Variants in CNTNAP5 observed in about 807,000 individuals in gnomAD.
CNTNAP5 encodes contactin associated protein family member 5, also known as contactin-associated protein-like 5.
In CNTNAP5, 72 loss-of-function variants were observed where a neutral mutation model predicts 150.2. The ratio of observed to expected loss-of-function variants is 0.48; its 90% CI spans 0.40 to 0.58. The LOEUF is 0.58. Among genes scored for constraint, CNTNAP5 ranks in the 20% least tolerant of loss-of-function variants. The probability of loss-of-function intolerance (pLI) is 0.00; values close to 1 mark genes in which losing one functional copy is unlikely to be tolerated. For missense variants in CNTNAP5, 1,636 were observed against 1,626.2 expected (o/e 1.01, Z -0.10); for synonymous variants, 672 against 619.8 (o/e 1.08, Z -1.25).
At chr2:124,220,761 G>A (rs1006647950) in intron 1 of CNTNAP5, among the ~76,000 whole-genome samples, 5 of 152,086 alleles carry the variant, frequency 3.3e-5, no homozygotes, top group African/African-American at 9.7e-5. Flanking sequence ...TATTAAAGCT[G>A]TAAACCTAAG....
At chr2:124,644,517 A>G (rs1678163622) in intron 12 of CNTNAP5, among the ~76,000 whole-genome samples, 1 of 152,256 alleles carries the variant, frequency 6.6e-6, no homozygotes, top group Non-Finnish European at 1.5e-5. Context: ...GAATAAGGAA[A>G]TCAATAAATG....
Position 124,917,793 on chromosome 2 carries a change from T to A in CNTNAP5, c.*3505T>A, listed in dbSNP as rs753345842. ...GTTTTTGCCCTTGGGGAGCTCAAAG[T>A]CTAGCTGGCAAGGCATGTATTGTTG... On this transcript the variant is annotated 3_prime_UTR_variant, in exon 24 of 24. Transcript: ENST00000682447. Among the ~76,000 whole-genome samples the A allele has an allele frequency of 3.3e-5, 5 of 152,066 alleles. No homozygotes were observed. In the East Asian group the frequency reaches 5.8e-4, roughly 18 times the overall value.
At chr2:124,049,167 A>G (rs955543086) in intron 1 of CNTNAP5, among the ~76,000 whole-genome samples, 4 of 152,112 alleles carry the variant, frequency 2.6e-5, no homozygotes, top group Non-Finnish European at 4.4e-5. Context: ...GATCTCCTTC[A>G]TTTGGTACCA....
intron 12 of CNTNAP5, 33 bp downstream of exon 12, chr2:124,609,953 C>T: frequency 6.3e-7 from 1 of 1,579,034 alleles, no homozygotes; most frequent in Non-Finnish European, 8.7e-7. Flanking sequence ...CACACTTAAC[C>T]ACCCCACTTC....
chr2:124,090,880 AC>A (rs1366669399), intron 1 of CNTNAP5, among the ~76,000 whole-genome samples: 1 of 152,244 alleles, frequency 6.6e-6, no homozygotes, highest in Non-Finnish European at 1.5e-5. Flanking sequence ...TAGGATTCAA[AC>A]AGAGTTGGAA....
chr2:124,665,751 T>C (rs556998459), intron 13 of CNTNAP5, among the ~76,000 whole-genome samples: 75 of 152,032 alleles, frequency 4.9e-4, no homozygotes, highest in African/African-American at 1.6e-3. Context: ...CCGGGCGTGG[T>C]GGCGGGCACC....
chr2:124,046,863 C>G (rs1422057536), intron 1 of CNTNAP5, among the ~76,000 whole-genome samples: 2 of 152,150 alleles, frequency 1.3e-5, no homozygotes, highest in African/African-American at 4.8e-5. Context: ...AAGGCTGAGG[C>G]TGGACTGGGA....
intron 13 of CNTNAP5, among the ~76,000 whole-genome samples, chr2:124,731,670 G>A (rs1376760381): frequency 1.3e-5 from 2 of 151,852 alleles, no homozygotes; most frequent in Non-Finnish European, 2.9e-5. Context: ...AGAGCAAAGG[G>A]CAATCTTGGG....
chr2:124,304,197 ATAAC>A (rs1688626627), intron 3 of CNTNAP5, among the ~76,000 whole-genome samples: 1 of 152,216 alleles, frequency 6.6e-6, no homozygotes. Flanking sequence ...AATTGAATAA[ATAAC>A]TAGGCAAATC....
chr2:124,419,163 A>ACAAAAAAAAAAC (rs70996065), intron 4 of CNTNAP5, among the ~76,000 whole-genome samples: 1 of 131,292 alleles, frequency 7.6e-6, no homozygotes, highest in African/African-American at 2.8e-5. Flanking sequence ...AAAAAAAAAA[A>ACAAAAAAAAAAC]CAGTATGAAG....
intron 3 of CNTNAP5, among the ~76,000 whole-genome samples, chr2:124,286,337 A>C (rs1157310252): frequency 6.6e-6 from 1 of 152,212 alleles, no homozygotes; most frequent in Non-Finnish European, 1.5e-5. Context: ...CCTTGGAAGC[A>C]GGCATAACTT....
At chr2:124,481,792 T>C (rs1693766502) in intron 7 of CNTNAP5, among the ~76,000 whole-genome samples, 1 of 152,224 alleles carries the variant, frequency 6.6e-6, no homozygotes, top group Admixed American at 6.5e-5. Context: ...AAATTTGAGT[T>C]GTTTGAATTT....
chr2:124,295,120 A>C lies in CNTNAP5; in HGVS notation c.381+52727A>C, dbSNP rs530891059. On this transcript the variant is annotated intron_variant, in intron 3 of 23. Coordinates refer to ENST00000682447, the MANE Select transcript of CNTNAP5 (RefSeq NM_001367498.1). The stretch of plus-strand genomic sequence containing the variant: ...GACTTCATCTCAAAAACAAAACAAC[A>C]ACCACCACCAAACAAACAAACAAAC... Among the ~76,000 whole-genome samples the C allele has an allele frequency of 5.3e-4, 55 of 102,836 alleles. 1 individual carries two copies. Among genetic ancestry groups the C allele is most frequent in the African/African-American group, 1.2e-3 (31 of 25,100 alleles). 67.5% of individuals were successfully genotyped at this position (102,836 alleles called of 152,430 possible).
chr2:124,178,550 GT>G (rs1252484255), intron 1 of CNTNAP5, among the ~76,000 whole-genome samples: 1 of 152,252 alleles, frequency 6.6e-6, no homozygotes, highest in Non-Finnish European at 1.5e-5. Context: ...TTTGTTTAAT[GT>G]TTTATTTAAT....
intron 1 of CNTNAP5, among the ~76,000 whole-genome samples, chr2:124,165,114 G>C (rs1401964852): frequency 6.6e-6 from 1 of 152,142 alleles, no homozygotes; most frequent in African/African-American, 2.4e-5. Flanking sequence ...TGCCTACCCT[G>C]CAGTGGTGTT....
At chr2:124,441,970 A>T (rs914633389) in intron 5 of CNTNAP5, among the ~76,000 whole-genome samples, 1 of 150,858 alleles carries the variant, frequency 6.6e-6, no homozygotes, top group Non-Finnish European at 1.5e-5. Flanking sequence ...TAAAAATTTC[A>T]TGAGCTACTT....
At chr2:124,783,964 G>T (rs923666711) in intron 17 of CNTNAP5, among the ~76,000 whole-genome samples, 6 of 152,110 alleles carry the variant, frequency 3.9e-5, no homozygotes, top group African/African-American at 1.4e-4. Context: ...CTGCCAATTG[G>T]AGAACCAGGA....
chr2:124,482,194 G>C (rs1308305341), intron 7 of CNTNAP5, among the ~76,000 whole-genome samples: 4 of 152,188 alleles, frequency 2.6e-5, no homozygotes, highest in Admixed American at 2.6e-4. Context: ...CTGTATTTCA[G>C]AGAGCTTATA....
At chr2:124,351,952 G>C (rs1573934510) in intron 3 of CNTNAP5, among the ~76,000 whole-genome samples, 1 of 152,102 alleles carries the variant, frequency 6.6e-6, no homozygotes, top group Non-Finnish European at 1.5e-5. Flanking sequence ...AAATTATGGA[G>C]CTGGAAGAAA....
Sources: allele counts gnomAD v4.1 joint callset (sites outside exome capture counted in the v4.1 genomes callset), GRCh38; gene constraint gnomAD v4.1.1; transcripts MANE v1.5; gene names NCBI Gene and HGNC (gene_info 2026-07-23, HGNC 2026-07-21).